Variants in PNPLA7 observed in about 807,000 individuals in gnomAD.
PNPLA7 encodes the protein patatin-like phospholipase domain-containing protein 7.
Under a neutral mutation model 161.7 loss-of-function variants are expected in PNPLA7, and 153 were observed. The ratio of observed to expected loss-of-function variants is 0.95; its 90% CI spans 0.83 to 1.08. PNPLA7 has a LOEUF of 1.08. Among genes scored for constraint, PNPLA7 ranks in the 50% least tolerant of loss-of-function variants. The pLI, the probability that PNPLA7 is intolerant of heterozygous loss-of-function variation, is 0.00. For missense variants in PNPLA7, 1,739 were observed against 1,856.6 expected (o/e 0.94, Z 1.16); for synonymous variants, 809 against 782.1 (o/e 1.03, Z -0.57).
Position 137,515,522 on chromosome 9 carries a change from G to A in PNPLA7, c.1085-3C>T. 2 of 1,540,828 alleles carry A rather than the reference G, an allele frequency of 1.3e-6. No homozygotes were observed. The highest frequency in any genetic ancestry group is 8.7e-7 in the Non-Finnish European group (1 of 1,147,080). Reference sequence around the variant, plus strand: ...TGCCGGGCGGCCGCCCCCGTGATCTGCTGGGGAGGCAGCCGTAAGCAACCT... The same window carrying A: ...TGCCGGGCGGCCGCCCCCGTGATCTACTGGGGAGGCAGCCGTAAGCAACCT... On this transcript the variant is annotated splice_region_variant and splice_polypyrimidine_tract_variant and intron_variant, in intron 11 of 34. Coordinates refer to ENST00000406427, the MANE Select transcript of PNPLA7 (RefSeq NM_001098537.3).
Position 137,467,922 on chromosome 9 carries a change from T to A in PNPLA7, c.2883-449A>T, listed in dbSNP as rs190181784. ...CAAAATAAATAAATAAATAAATTAA[T>A]TAAATAAATGAAATCCTTCCTTCTG... On this transcript the variant is annotated intron_variant, in intron 25 of 34. Transcript: ENST00000406427. The surrounding 1 kb of genome is among the most constrained non-coding windows in gnomAD (Gnocchi z 5.1). Among the ~76,000 whole-genome samples the A allele has an allele frequency of 4.6e-5, 7 of 151,882 alleles. No homozygotes were observed. Among genetic ancestry groups the A allele is most frequent in the East Asian group, 1.9e-4 (1 of 5,152 alleles).
chr9:137,461,361 G>T, intron 33 of PNPLA7, 175 bp downstream of exon 33: 2 of 656,956 alleles, frequency 3.0e-6, no homozygotes, highest in Non-Finnish European at 5.0e-6. Flanking sequence ...ACTGCTGTGG[G>T]AACACGTGGT....
intron 29 of PNPLA7, chr9:137,463,127 G>A: frequency 1.7e-6 from 1 of 590,220 alleles, no homozygotes; most frequent in South Asian, 2.1e-5. Context: ...CACAGATGGG[G>A]CTTAATTGCT....
Position 137,541,710 on chromosome 9 carries a change from C to T in PNPLA7, c.666+932G>A, listed in dbSNP as rs981736380. ...CAGGGTCTGGCCCAGCACCCACCCC[C>T]GAGCAGCGATTCAAAGGGTGGAATT... is the stretch of plus-strand genomic sequence containing the variant. On this transcript the variant is annotated intron_variant, in intron 7 of 34. Coordinates refer to ENST00000406427, the MANE Select transcript of PNPLA7 (RefSeq NM_001098537.3). The surrounding 1 kb of genome is among the most constrained non-coding windows in gnomAD (Gnocchi z 4.4). Among the ~76,000 whole-genome samples, 6 of 152,202 alleles carry T rather than the reference C, an allele frequency of 3.9e-5. No individual in the cohort carries two copies. The highest frequency in any genetic ancestry group is 1.4e-4 in the African/African-American group (6 of 41,444).
In PNPLA7 at chr9:137,486,231, G is replaced by A. The variant is rs1416718912; in HGVS notation, c.2198-1495C>T. Among the ~76,000 whole-genome samples, 1 of 152,112 alleles carries A rather than the reference G, an allele frequency of 6.6e-6. No homozygotes were observed. Among genetic ancestry groups the A allele is most frequent in the Non-Finnish European group, 1.5e-5 (1 of 68,038 alleles). On this transcript the variant is annotated intron_variant, in intron 20 of 34. Transcript: ENST00000406427. The surrounding 1 kb of genome is among the most constrained non-coding windows in gnomAD (Gnocchi z 6.0). ...AAGAGGCCAGGAGAGCAAGCCTGGGGACACAGAACCAAGTGAGGGCTTAAG... is the reference window on the plus strand; with the variant it reads ...AAGAGGCCAGGAGAGCAAGCCTGGGAACACAGAACCAAGTGAGGGCTTAAG...
chr9:137,511,839 T>C (rs1834254726), intron 12 of PNPLA7, among the ~76,000 whole-genome samples: 1 of 152,216 alleles, frequency 6.6e-6, no homozygotes, highest in African/African-American at 2.4e-5. Flanking sequence ...CTCTGATAAG[T>C]GCATAGAAGA....
At chr9:137,532,910 C>G (rs1043068761) in intron 8 of PNPLA7, among the ~76,000 whole-genome samples, 1 of 151,894 alleles carries the variant, frequency 6.6e-6, no homozygotes, top group Non-Finnish European at 1.5e-5. Context: ...GGGAGCACTC[C>G]CAGACTCCTC....
At chr9:137,546,243 G>A (rs1276273732) in intron 4 of PNPLA7, among the ~76,000 whole-genome samples, 1 of 152,074 alleles carries the variant, frequency 6.6e-6, no homozygotes, top group Non-Finnish European at 1.5e-5. Context: ...AGGGCCTCCT[G>A]TCAAGCAGAC....
Position 137,480,065 on chromosome 9 carries a change from G to A in PNPLA7, c.2580+247C>T, listed in dbSNP as rs544328247. On this transcript the variant is annotated intron_variant, in intron 23 of 34. Transcript: ENST00000406427. Reference sequence around the variant, plus strand: ...GGCTTCCCGCACCTGCTGTAAAAGTGCGAAAGGCGGCCGGAGGCTGCGGCT... The same window carrying A: ...GGCTTCCCGCACCTGCTGTAAAAGTACGAAAGGCGGCCGGAGGCTGCGGCT... Among the ~76,000 whole-genome samples the A allele has an allele frequency of 4.6e-5, 7 of 152,374 alleles. No homozygotes were observed. The East Asian group carries it at 1.3e-3, about 29-fold the overall frequency.
Position 137,478,750 on chromosome 9 carries a change from C to A in PNPLA7, c.2763+306G>T, listed in dbSNP as rs536973972. On this transcript the variant is annotated intron_variant, in intron 24 of 34. Transcript: ENST00000406427. ...CCCAGGGTTCACTGAGCCCCCCTGACGTCAGGCCCATCCCCAGGGTTTGCT... is the reference window on the plus strand; with the variant it reads ...CCCAGGGTTCACTGAGCCCCCCTGAAGTCAGGCCCATCCCCAGGGTTTGCT... 7.5e-5 allele frequency: 24 copies of A among 321,178 alleles called. No individual in the cohort carries two copies. In the South Asian group the frequency reaches 1.1e-3, roughly 14 times the overall value. 19.9% of individuals were successfully genotyped at this position (321,178 alleles called of 1,614,324 possible).
chr9:137,484,485 C>T, intron 21 of PNPLA7, 102 bp downstream of exon 21: 1 of 1,320,806 alleles, frequency 7.6e-7, no homozygotes, highest in South Asian at 1.8e-5. Context: ...GAGCCCTGCC[C>T]ACCCACCGCC....
At chr9:137,461,204 C>T in intron 33 of PNPLA7, 2 of 358,838 alleles carry the variant, frequency 5.6e-6, no homozygotes, top group Non-Finnish European at 1.0e-5. Context: ...TCTTGTCCTG[C>T]GGCCCCTCCA....
chr9:137,479,220 TCTCCAGCATCCG>T lies in PNPLA7; in HGVS notation c.2587_2598del (p.Arg863_Glu866del). On this transcript the variant is annotated inframe_deletion, in exon 24 of 35. Transcript: ENST00000406427. ...TGCTTCTGGGCACGCACAGCTGTGC[TCTCCAGCATCCG>T]CTCCAGCTGAAAGGCAGAGCCCACG... is the stretch of plus-strand genomic sequence containing the variant. The T allele has an allele frequency of 6.5e-7, 1 of 1,542,756 alleles. No individual in the cohort carries two copies. The highest frequency in any genetic ancestry group is 1.2e-5 in the South Asian group (1 of 83,886).
At chr9:137,542,232 G>C (rs764434577) in intron 7 of PNPLA7, among the ~76,000 whole-genome samples, 11 of 152,186 alleles carry the variant, frequency 7.2e-5, no homozygotes, top group Non-Finnish European at 1.5e-4. Flanking sequence ...GCTCTGAGAG[G>C]ACAAGATGGG....
At position 137,521,729 on chromosome 9, in the gene PNPLA7, G is replaced by A. The variant is rs770808215; in HGVS notation, c.877-13C>T. 57 of 1,606,624 alleles carry A rather than the reference G, an allele frequency of 3.5e-5. No homozygotes were observed. The highest frequency in any genetic ancestry group is 4.7e-5 in the Non-Finnish European group (55 of 1,179,190). On this transcript the variant is annotated splice_polypyrimidine_tract_variant and intron_variant, in intron 9 of 34. Coordinates refer to ENST00000406427, the MANE Select transcript of PNPLA7 (RefSeq NM_001098537.3). The stretch of plus-strand genomic sequence containing the variant: ...GCACCATGATGATCTGCAAGAACAC[G>A]CCAGCTGCGCGGTGACCACCGGCCT...
At position 137,537,863 on chromosome 9, in the gene PNPLA7, C is replaced by A. The variant is rs1385930241; in HGVS notation, c.747+2779G>T. ...AAGAAATAATGGAGAAAGCCTCTAC[C>A]CCAGTGAAGCTATTTTTTGCTTAAA... On this transcript the variant is annotated intron_variant, in intron 8 of 34. Transcript: ENST00000406427. This position sits in a 1 kb window ranked among gnomAD's most constrained non-coding sequence, Gnocchi z 4.5. 1.3e-5 allele frequency among the ~76,000 whole-genome samples: 2 copies of A among 152,188 alleles called. No individual in the cohort carries two copies. The highest frequency in any genetic ancestry group is 1.9e-4 in the East Asian group (1 of 5,198).
At position 137,501,674 on chromosome 9, in the gene PNPLA7, C is replaced by T. The variant is rs113094336; in HGVS notation, c.1527G>A (p.Thr509=). ...RVALLHVPAG[T]VVSRQGDQDA... ...CCTGGTCTCCCTGCCTTGACACCAC[C>T]GTGCCTGCAGGAACGTGCAGAAGCG... is the stretch of plus-strand genomic sequence containing the variant. The change falls in exon 15 of 35, where the codon ACG becomes ACA. Residue 509 remains threonine, a synonymous_variant. Coordinates refer to ENST00000406427, the MANE Select transcript of PNPLA7 (RefSeq NM_001098537.3). 3.1e-4 allele frequency: 507 copies of T among 1,612,590 alleles called. 3 individuals are homozygous for T. The highest frequency in any genetic ancestry group is 8.3e-4 in the South Asian group (76 of 91,054).
At chr9:137,501,257 T>G (rs956492467) in intron 15 of PNPLA7, among the ~76,000 whole-genome samples, 1 of 151,972 alleles carries the variant, frequency 6.6e-6, no homozygotes, top group African/African-American at 2.4e-5. Context: ...CTCTGAGGGG[T>G]GGGCTCCTGG....
intron 11 of PNPLA7, among the ~76,000 whole-genome samples, chr9:137,518,343 G>A (rs1834756307): frequency 1.5e-5 from 1 of 67,982 alleles, no homozygotes; most frequent in African/African-American, 7.5e-5. Context: ...ACTCCACTCT[G>A]CTCACTCCAT....
Sources: allele counts gnomAD v4.1 joint callset (sites outside exome capture counted in the v4.1 genomes callset), GRCh38; gene constraint gnomAD v4.1.1; non-coding constraint Gnocchi (gnomAD v3.1); transcripts MANE v1.5; gene names NCBI Gene and HGNC (gene_info 2026-07-23, HGNC 2026-07-21).